CCDC171: variants seen among roughly 807,000 people sequenced by gnomAD.
CCDC171 encodes coiled-coil domain-containing protein 171.
Under a neutral mutation model 168.2 loss-of-function variants are expected in CCDC171, and 177 were observed. That is an observed-to-expected ratio of 1.05 (90% CI 0.93 to 1.19). The LOEUF is 1.19. Ranked by LOEUF, CCDC171 falls within the 50% of genes most tolerant of loss-of-function variation. The pLI, the probability that CCDC171 is intolerant of heterozygous loss-of-function variation, is 0.00. For synonymous variants in CCDC171, 687 were observed against 540.8 expected, an observed-to-expected ratio of 1.27 and a Z score of -3.75; for missense variants, 1,991 against 1,539.0, an observed-to-expected ratio of 1.29 and a Z score of -4.91.
chr9:15,972,117 TA>T lies in CCDC171; in HGVS notation c.*288del, dbSNP rs1169778217. On this transcript the variant is annotated 3_prime_UTR_variant, in exon 26 of 26. Transcript: ENST00000380701. ...CATTTTGGGTAATTTCCCTCAGACT[TA>T]AAAAAATCAATAAGCCATTTTAGTC... 7.8e-6 allele frequency: 3 copies of T among 382,172 alleles called. No homozygotes were observed. Among genetic ancestry groups the T allele is most frequent in the Non-Finnish European group, 4.7e-6 (1 of 213,316 alleles). The allele number at this position is 382,172 out of a possible 1,614,324, so 23.7% of individuals were successfully genotyped here.
At chr9:15,580,368 T>C (rs879914271) in intron 4 of CCDC171, among the ~76,000 whole-genome samples, 6 of 152,036 alleles carry the variant, frequency 3.9e-5, no homozygotes, top group Non-Finnish European at 5.9e-5. Context: ...AATAGATCTT[T>C]AAACTAAAAT....
At position 15,729,610 on chromosome 9, in the gene CCDC171, A is replaced by G. The variant is rs747140426; in HGVS notation, c.1861A>G (p.Ile621Val). The change falls in exon 16 of 26, where the codon ATA becomes GTA. Residue 621 changes from isoleucine (I) to valine (V), a missense_variant and splice_region_variant. Ile to Val is a conservative substitution (Grantham distance 29). Transcript: ENST00000380701. Reference sequence around the variant, plus strand: ...TTCTCTGTTGCATCTCCCCGTATAGATAAGGCATCTAGAGTATATCTGTAA... The same window carrying G: ...TTCTCTGTTGCATCTCCCCGTATAGGTAAGGCATCTAGAGTATATCTGTAA... ...IADLNRANEK[I>V]RHLEYICKNK... 3 of 1,603,386 alleles carry G rather than the reference A, an allele frequency of 1.9e-6. No individual in the cohort carries two copies. Among genetic ancestry groups the G allele is most frequent in the South Asian group, 1.1e-5 (1 of 89,438 alleles).
intron 6 of CCDC171, among the ~76,000 whole-genome samples, chr9:16,032,597 T>C (rs763035150): frequency 1.3e-5 from 2 of 152,124 alleles, no homozygotes; most frequent in Non-Finnish European, 2.9e-5. Context: ...AGCACAGATA[T>C]CCAGGTTGGC....
chr9:15,747,346 G>T (rs1380445049), intron 18 of CCDC171, among the ~76,000 whole-genome samples: 1 of 152,176 alleles, frequency 6.6e-6, no homozygotes, highest in Non-Finnish European at 1.5e-5. Context: ...ACATTCCCCT[G>T]CCTGACAGCT....
intron 1 of CCDC171, among the ~76,000 whole-genome samples, chr9:15,557,852 C>A (rs2038939380): frequency 6.6e-6 from 1 of 152,076 alleles, no homozygotes; most frequent in Non-Finnish European, 1.5e-5. Context: ...TTTGCCCATT[C>A]AGTATGATAT....
At chr9:16,106,562 C>G in the CCDC171 span, among the ~76,000 whole-genome samples, 4 of 152,196 alleles carry the variant, frequency 2.6e-5, no homozygotes, top group African/African-American at 9.7e-5. Flanking sequence ...TAGAAACATT[C>G]CTTCAGGGAC....
At chr9:15,852,544 C>T (rs1173911459) in intron 23 of CCDC171, among the ~76,000 whole-genome samples, 1 of 151,524 alleles carries the variant, frequency 6.6e-6, no homozygotes, top group African/African-American at 2.4e-5. Context: ...TTTTTACCTT[C>T]TATTTAAATA....
intron 10 of CCDC171, among the ~76,000 whole-genome samples, chr9:15,684,724 G>A (rs986140526): frequency 2.0e-5 from 3 of 152,158 alleles, no homozygotes; most frequent in African/African-American, 7.2e-5. Flanking sequence ...GAGAGGTATA[G>A]TATCCCAAGG....
At chr9:15,852,546 A>C (rs1431902625) in intron 23 of CCDC171, among the ~76,000 whole-genome samples, 2 of 151,572 alleles carry the variant, frequency 1.3e-5, no homozygotes, top group African/African-American at 4.8e-5. Flanking sequence ...TTTACCTTCT[A>C]TTTAAATAGT....
chr9:16,000,672 C>A (rs2132946850), intron 3 of CCDC171, among the ~76,000 whole-genome samples: 1 of 152,088 alleles, frequency 6.6e-6, no homozygotes, highest in African/African-American at 2.4e-5. Context: ...CTCCCTATTT[C>A]CTTGTGACTT....
intron 3 of CCDC171, among the ~76,000 whole-genome samples, chr9:16,018,306 C>T (rs370074106): frequency 9.7e-4 from 147 of 152,194 alleles, no homozygotes; most frequent in African/African-American, 3.2e-3. Context: ...ACTGGAGACC[C>T]GGTGAAAGTG....
At chr9:15,555,237 T>A (rs1254972237) in intron 1 of CCDC171, among the ~76,000 whole-genome samples, 1 of 152,182 alleles carries the variant, frequency 6.6e-6, no homozygotes, top group Non-Finnish European at 1.5e-5. Flanking sequence ...TCATCTATTT[T>A]AGTAGGAATG....
intron 16 of CCDC171, among the ~76,000 whole-genome samples, chr9:15,732,963 A>G (rs1477054709): frequency 1.3e-5 from 2 of 152,316 alleles, no homozygotes; most frequent in South Asian, 2.1e-4. Flanking sequence ...CACCTGTGCC[A>G]ACATATGACT....
intron 3 of CCDC171, among the ~76,000 whole-genome samples, chr9:15,982,689 T>C (rs567411173): frequency 3.9e-5 from 6 of 152,274 alleles, no homozygotes; most frequent in African/African-American, 1.4e-4. Flanking sequence ...TTCCTTCTAC[T>C]GACTGGTGCT....
chr9:15,735,762 G>A lies in CCDC171; in HGVS notation c.2049+5964G>A, dbSNP rs1588202138. On this transcript the variant is annotated intron_variant, in intron 16 of 25. Transcript: ENST00000380701. ...GGTGATAATTCCTTAAGGTATACACGCCAGCCTGCAGCGATTCAGAGAGTT... is the reference window on the plus strand; with the variant it reads ...GGTGATAATTCCTTAAGGTATACACACCAGCCTGCAGCGATTCAGAGAGTT... Among the ~76,000 whole-genome samples, 4 of 152,174 alleles carry A rather than the reference G, an allele frequency of 2.6e-5. 1 individual carries two copies. Among genetic ancestry groups the A allele is most frequent in the South Asian group, 2.1e-4 (1 of 4,808 alleles).
intron 11 of CCDC171, among the ~76,000 whole-genome samples, chr9:15,700,903 T>G (rs1245840850): frequency 1.3e-5 from 2 of 152,104 alleles, no homozygotes; most frequent in African/African-American, 4.8e-5. Flanking sequence ...ATTATTAGTT[T>G]TTTTTTTTGT....
chr9:16,032,862 T>C (rs534759636), intron 6 of CCDC171, among the ~76,000 whole-genome samples: 2 of 152,238 alleles, frequency 1.3e-5, no homozygotes, highest in South Asian at 4.2e-4. Flanking sequence ...CTGTAGGGAT[T>C]TGGCAAAACA....
At position 15,607,848 on chromosome 9, in the gene CCDC171, G is replaced by A. The variant is rs139288001; in HGVS notation, c.675+13676G>A. The stretch of plus-strand genomic sequence containing the variant: ...TGCTGTATAATATTTTATCTTGTGC[G>A]TGTGCCATAATTTACTCATTACCTG... On this transcript the variant is annotated intron_variant, in intron 6 of 25. Transcript: ENST00000380701. Among the ~76,000 whole-genome samples, 442 of 152,188 alleles carry A rather than the reference G, an allele frequency of 2.9e-3. 2 individuals carry two copies. Among genetic ancestry groups the A allele is most frequent in the African/African-American group, 0.01 (431 of 41,518 alleles).
rs532206445 is a variant in CCDC171 at position 15,673,708 on chromosome 9, G to A, written c.1077-5050G>A. On this transcript the variant is annotated intron_variant, in intron 9 of 25. Transcript: ENST00000380701. Reference sequence around the variant, plus strand: ...TCCCAGGGATGAAGCCAACTTGATCGTGGTGGATAAGCTTTTTGATGTGCT... The same window carrying A: ...TCCCAGGGATGAAGCCAACTTGATCATGGTGGATAAGCTTTTTGATGTGCT... 1.8e-4 allele frequency among the ~76,000 whole-genome samples: 28 copies of A among 152,244 alleles called. No individual in the cohort carries two copies. In the South Asian group the frequency reaches 3.9e-3, roughly 21 times the overall value.
Sources: gnomAD v4.1 joint callset for allele counts (sites outside exome capture counted in the v4.1 genomes callset) on GRCh38, gnomAD v4.1.1 for gene constraint, MANE v1.5 for transcripts, NCBI Gene and HGNC (gene_info 2026-07-23, HGNC 2026-07-21) for gene names.